Variants in ANGPT4 observed in about 807,000 individuals in gnomAD.
ANGPT4 encodes angiopoietin-4.
Under a neutral mutation model 53.0 loss-of-function variants are expected in ANGPT4, and 50 were observed. The observed-to-expected ratio is 0.94, with a 90% CI of 0.75 to 1.20. The LOEUF is 1.20. Among genes scored for constraint, ANGPT4 ranks in the 50% most tolerant of loss-of-function variants. The pLI, the probability that ANGPT4 is intolerant of heterozygous loss-of-function variation, is 0.00. For missense variants in ANGPT4, 648 were observed against 637.1 expected (o/e 1.02, Z -0.18); for synonymous variants, 251 against 259.7 (o/e 0.97, Z 0.32).
At position 872,448 on chromosome 20, in the gene ANGPT4, C is replaced by G. The variant is rs1311278021; in HGVS notation, c.*512G>C. 6.5e-6 allele frequency: 1 copy of G among 154,032 alleles called. No homozygotes were observed. The highest frequency in any genetic ancestry group is 2.4e-5 in the African/African-American group (1 of 41,430). 9.5% of individuals were successfully genotyped at this position (154,032 alleles called of 1,614,324 possible). A position where few individuals can be genotyped will look rare whatever the true frequency, so the allele number is the denominator to read the frequency against. On this transcript the variant is annotated 3_prime_UTR_variant, in exon 9 of 9. Coordinates refer to ENST00000381922, the MANE Select transcript of ANGPT4 (RefSeq NM_015985.4). ...AAGGGGAAATAATGATTAACCCACC[C>G]ACTAAGGGGTGGATGCAGCCCCTTC...
intron 1 of ANGPT4, among the ~76,000 whole-genome samples, chr20:900,856 A>G (rs1982256356): frequency 6.6e-6 from 1 of 151,656 alleles, no homozygotes; most frequent in Admixed American, 6.6e-5. Flanking sequence ...GGTCCTCTCA[A>G]TTCTTGGTCC....
rs1457860477 is a variant in ANGPT4 at position 909,664 on chromosome 20, C to G, written c.309+6242G>C. ...CCTGCAAAGTAGCTTCTGTTAGTGT[C>G]CTCACTTCACAGATAAGGAAACCGA... On this transcript the variant is annotated intron_variant, in intron 1 of 8. Transcript: ENST00000381922. Among the ~76,000 whole-genome samples the G allele has an allele frequency of 2.0e-5, 3 of 152,156 alleles. No individual in the cohort carries two copies. In the East Asian group the frequency reaches 5.8e-4, roughly 29 times the overall value.
intron 1 of ANGPT4, among the ~76,000 whole-genome samples, chr20:906,318 C>A (rs1982478738): frequency 1.3e-5 from 2 of 152,154 alleles, no homozygotes; most frequent in Non-Finnish European, 2.9e-5. Context: ...CGCCAGCTCA[C>A]CAGCCACAGG....
At chr20:878,127 C>T (rs201889125) in intron 7 of ANGPT4, 34 bp downstream of exon 7, 3 of 1,567,162 alleles carry the variant, frequency 1.9e-6, no homozygotes, top group Non-Finnish European at 1.7e-6. Context: ...GCTGAAGACC[C>T]CAGCCCCCAC....
chr20:907,575 C>T lies in ANGPT4; in HGVS notation c.309+8331G>A, dbSNP rs1426149802. On this transcript the variant is annotated intron_variant, in intron 1 of 8. Transcript: ENST00000381922. ...TTGAACAGTTATTATGTGGTCAGCA[C>T]TGTTCTAACCACTAGGTATATGAAG... Among the ~76,000 whole-genome samples the T allele has an allele frequency of 2.0e-5, 3 of 152,196 alleles. No homozygotes were observed. The East Asian group carries it at 5.8e-4, about 29-fold the overall frequency.
chr20:912,060 AGGTGGTGGGGGT>A (rs1982723057), intron 1 of ANGPT4, among the ~76,000 whole-genome samples: 1 of 152,010 alleles, frequency 6.6e-6, no homozygotes, highest in Non-Finnish European at 1.5e-5. Context: ...TGCTGCCCTC[AGGTGGTGGGGGT>A]GGGCCAGAGA....
At position 872,733 on chromosome 20, in the gene ANGPT4, G is replaced by C; in HGVS notation, c.*227C>G. 1.8e-6 allele frequency: 1 copy of C among 558,638 alleles called. No homozygotes were observed. The highest frequency in any genetic ancestry group is 3.2e-6 in the Non-Finnish European group (1 of 313,974). 34.6% of individuals were successfully genotyped at this position (558,638 alleles called of 1,614,324 possible). On this transcript the variant is annotated 3_prime_UTR_variant, in exon 9 of 9. Coordinates refer to ENST00000381922, the MANE Select transcript of ANGPT4 (RefSeq NM_015985.4). ...GAAGGGGGAGGGAGAGAAGAGGGGC[G>C]AGGACTACATCAGAGGGATGGGCCC... is the stretch of plus-strand genomic sequence containing the variant.
chr20:901,427 C>G (rs1482755700), intron 1 of ANGPT4, among the ~76,000 whole-genome samples: 1 of 152,128 alleles, frequency 6.6e-6, no homozygotes, highest in Non-Finnish European at 1.5e-5. Flanking sequence ...AAGAGAACAA[C>G]CCCCTTTAAC....
intron 2 of ANGPT4, among the ~76,000 whole-genome samples, chr20:888,748 C>T (rs1234683980): frequency 6.6e-6 from 1 of 152,214 alleles, no homozygotes; most frequent in East Asian, 1.9e-4. Flanking sequence ...CCAGGTGGCC[C>T]CTGACCACCT....
chr20:910,616 C>A (rs1264998928), intron 1 of ANGPT4, among the ~76,000 whole-genome samples: 1 of 152,090 alleles, frequency 6.6e-6, no homozygotes, highest in East Asian at 1.9e-4. Context: ...ACCTGGGGCC[C>A]GTTTTCTAAC....
intron 1 of ANGPT4, among the ~76,000 whole-genome samples, chr20:898,035 C>T (rs1982123309): frequency 6.6e-6 from 1 of 152,182 alleles, no homozygotes; most frequent in Non-Finnish European, 1.5e-5. Flanking sequence ...TTCTTTCACA[C>T]ATTGGTCCCT....
chr20:905,410 A>T (rs1261979578), intron 1 of ANGPT4, among the ~76,000 whole-genome samples: 1 of 152,094 alleles, frequency 6.6e-6, no homozygotes, highest in Non-Finnish European at 1.5e-5. Flanking sequence ...GGGGCACGAG[A>T]TTTCCACTGA....
At chr20:899,425 T>TA in intron 1 of ANGPT4, among the ~76,000 whole-genome samples, 1 of 148,860 alleles carries the variant, frequency 6.7e-6, no homozygotes, top group East Asian at 2.0e-4. Context: ...TTTTTTTGTA[T>TA]TTTTTTTTTA....
At position 908,292 on chromosome 20, in the gene ANGPT4, T is replaced by C. The variant is rs1435914054; in HGVS notation, c.309+7614A>G. On this transcript the variant is annotated intron_variant, in intron 1 of 8. Transcript: ENST00000381922. This position sits in a 1 kb window ranked among gnomAD's most constrained non-coding sequence, Gnocchi z 4.9. ...GAGCACTCCAGTCTCATCTTGGCCA[T>C]GCTCTCCTCGCTCTCTGCACTGTAG... 6.6e-6 allele frequency among the ~76,000 whole-genome samples: 1 copy of C among 152,168 alleles called. No individual in the cohort carries two copies. Among genetic ancestry groups the C allele is most frequent in the Non-Finnish European group, 1.5e-5 (1 of 68,028 alleles).
intron 6 of ANGPT4, among the ~76,000 whole-genome samples, chr20:878,758 T>G (rs1981273031): frequency 1.3e-5 from 2 of 152,192 alleles, no homozygotes; most frequent in Non-Finnish European, 2.9e-5. Context: ...CTTAGACACA[T>G]GTACGTTAAA....
Position 915,942 on chromosome 20 carries a change from C to T in ANGPT4, c.273G>A (p.Glu91=). The T allele has an allele frequency of 6.2e-7, 1 of 1,603,604 alleles. No individual in the cohort carries two copies. Among genetic ancestry groups the T allele is most frequent in the South Asian group, 1.1e-5 (1 of 89,942 alleles). The change falls in exon 1 of 9, where the codon GAG becomes GAA. Residue 91 remains glutamate (E), a synonymous_variant. Coordinates refer to ENST00000381922, the MANE Select transcript of ANGPT4 (RefSeq NM_015985.4). The part of the protein sequence containing the change: ...KLPTQQVKQL[E]QALQNNTQWL... ...ACTGCGTGTTGTTCTGCAGTGCCTGCTCCAGCTGTTTCACCTGCTGGGTGG... is the reference window on the plus strand; with the variant it reads ...ACTGCGTGTTGTTCTGCAGTGCCTGTTCCAGCTGTTTCACCTGCTGGGTGG...
chr20:878,394 T>C (rs1205511430), intron 6 of ANGPT4, 67 bp from the exon 7 acceptor site: 1 of 1,496,976 alleles, frequency 6.7e-7, no homozygotes, highest in Non-Finnish European at 9.1e-7. Context: ...GCTGAGGAGC[T>C]GGGCTGGGCC....
At chr20:909,467 A>C (rs931277652) in intron 1 of ANGPT4, among the ~76,000 whole-genome samples, 1 of 152,182 alleles carries the variant, frequency 6.6e-6, no homozygotes, top group Non-Finnish European at 1.5e-5. Flanking sequence ...ATAATCTCAC[A>C]GATGTAAAGT....
intron 1 of ANGPT4, among the ~76,000 whole-genome samples, chr20:909,307 C>T (rs887208910): frequency 6.6e-6 from 1 of 152,210 alleles, no homozygotes; most frequent in Non-Finnish European, 1.5e-5. Context: ...ATAGTAGCAT[C>T]TCCTGGTTCT....
Sources: gnomAD v4.1 joint callset for allele counts (sites outside exome capture counted in the v4.1 genomes callset) on GRCh38, gnomAD v4.1.1 for gene constraint, Gnocchi (gnomAD v3.1) non-coding constraint, MANE v1.5 for transcripts, NCBI Gene and HGNC (gene_info 2026-07-23, HGNC 2026-07-21) for gene names.